The following PRKAG2 variants were observed in gnomAD, a reference collection of about 807,000 sequenced individuals.
The protein encoded by PRKAG2 is 5'-AMP-activated protein kinase subunit gamma-2.
In PRKAG2, 26 loss-of-function variants were observed where a neutral mutation model predicts 69.6. The ratio of observed to expected loss-of-function variants is 0.37; its 90% CI spans 0.27 to 0.52. PRKAG2 has a LOEUF of 0.52. Among genes scored for constraint, PRKAG2 ranks in the 20% least tolerant of loss-of-function variants. The probability of loss-of-function intolerance (pLI) is 0.90; values close to 1 mark genes in which losing one functional copy is unlikely to be tolerated. For synonymous variants in PRKAG2, 293 were observed against 285.0 expected (o/e 1.03, Z -0.28); for missense variants, 557 against 740.0 (o/e 0.75, Z 2.87).
At chr7:151,769,221 GC>G (rs892932207) in intron 3 of PRKAG2, among the ~76,000 whole-genome samples, 1 of 152,218 alleles carries the variant, frequency 6.6e-6, no homozygotes, top group African/African-American at 2.4e-5. Flanking sequence ...AAAGAAAATG[GC>G]CCAGGAACTT....
chr7:151,777,333 C>T lies in PRKAG2; in HGVS notation c.466+3819G>A, dbSNP rs949316619. Reference sequence around the variant, plus strand: ...CCAGAGGGGCTGGGAGTCTTGGATCCACCTCTGATAGAGGTTGAGTGTTTC... The same window carrying T: ...CCAGAGGGGCTGGGAGTCTTGGATCTACCTCTGATAGAGGTTGAGTGTTTC... On this transcript the variant is annotated intron_variant, in intron 3 of 15. Coordinates refer to ENST00000287878, the MANE Select transcript of PRKAG2 (RefSeq NM_016203.4). The surrounding 1 kb of genome is among the most constrained non-coding windows in gnomAD (Gnocchi z 4.3). 6.6e-6 allele frequency among the ~76,000 whole-genome samples: 1 copy of T among 152,202 alleles called. No homozygotes were observed. Among genetic ancestry groups the T allele is most frequent in the Non-Finnish European group, 1.5e-5 (1 of 68,032 alleles).
intron 3 of PRKAG2, among the ~76,000 whole-genome samples, chr7:151,760,549 T>C (rs945718139): frequency 4.6e-5 from 7 of 152,302 alleles, no homozygotes; most frequent in Middle Eastern, 6.8e-3. Context: ...GAGAGAGTTT[T>C]TTAAAAGCTG....
intron 7 of PRKAG2, 148 bp downstream of exon 7, chr7:151,576,223 G>T: frequency 1.2e-6 from 1 of 831,326 alleles, no homozygotes; most frequent in Non-Finnish European, 2.0e-6. Flanking sequence ...TTACGGGCAT[G>T]GGCCACTGCA....
chr7:151,612,660 C>G lies in PRKAG2; in HGVS notation c.755-17206G>C, dbSNP rs1038341898. On this transcript the variant is annotated intron_variant, in intron 5 of 15. Coordinates refer to ENST00000287878, the MANE Select transcript of PRKAG2 (RefSeq NM_016203.4). The stretch of plus-strand genomic sequence containing the variant: ...GTTGTCACCAGTCCAGGGGTCTGAC[C>G]AGCGTACCCACCTCTGCCTGCTCAC... Among the ~76,000 whole-genome samples, 3 of 152,344 alleles carry G rather than the reference C, an allele frequency of 2.0e-5. No homozygotes were observed. The South Asian group carries it at 6.2e-4, about 32-fold the overall frequency.
At chr7:151,612,883 G>A (rs966684046) in intron 5 of PRKAG2, among the ~76,000 whole-genome samples, 1 of 152,210 alleles carries the variant, frequency 6.6e-6, no homozygotes, top group African/African-American at 2.4e-5. Context: ...AGTCCCCTTG[G>A]GTGGGGCAGC....
intron 3 of PRKAG2, among the ~76,000 whole-genome samples, chr7:151,696,351 G>C (rs1294854828): frequency 6.6e-6 from 1 of 152,212 alleles, no homozygotes; most frequent in African/African-American, 2.4e-5. Context: ...GGAGAGTATG[G>C]GGTTCCCCAG....
intron 1 of PRKAG2, among the ~76,000 whole-genome samples, chr7:151,790,287 G>A (rs79980214): frequency 0.032 from 4,881 of 152,192 alleles, 230 homozygotes; most frequent in African/African-American, 0.11. Context: ...AAACTCCTAT[G>A]TGTCCTGCAA....
intron 6 of PRKAG2, among the ~76,000 whole-genome samples, chr7:151,579,805 A>G (rs1809904375): frequency 2.0e-5 from 3 of 152,158 alleles, no homozygotes; most frequent in Non-Finnish European, 2.9e-5. Context: ...AAAATCAGCT[A>G]GAGGGGGAAA....
chr7:151,646,198 A>G (rs1281387252), intron 4 of PRKAG2, among the ~76,000 whole-genome samples: 1 of 152,168 alleles, frequency 6.6e-6, no homozygotes, highest in Non-Finnish European at 1.5e-5. Context: ...TTATGTTTCT[A>G]TATACATTCC....
At position 151,707,966 on chromosome 7, in the gene PRKAG2, G is replaced by T. The variant is rs546777393; in HGVS notation, c.467-32329C>A. Among the ~76,000 whole-genome samples, 6 of 152,348 alleles carry T rather than the reference G, an allele frequency of 3.9e-5. No individual in the cohort carries two copies. The East Asian group carries it at 1.2e-3, about 29-fold the overall frequency. On this transcript the variant is annotated intron_variant, in intron 3 of 15. Coordinates refer to ENST00000287878, the MANE Select transcript of PRKAG2 (RefSeq NM_016203.4). The stretch of plus-strand genomic sequence containing the variant: ...TCTCGGCCCAACCCAGACGGGGCAG[G>T]GGAGGACGCACAGAGAAAACATGCT...
chr7:151,849,161 G>A (rs932529516), intron 1 of PRKAG2, among the ~76,000 whole-genome samples: 9 of 152,248 alleles, frequency 5.9e-5, no homozygotes, highest in African/African-American at 9.6e-5. Flanking sequence ...AAACGAAGAC[G>A]CAGAGGCAGT....
chr7:151,726,821 C>T (rs1199208603), intron 3 of PRKAG2, among the ~76,000 whole-genome samples: 1 of 152,118 alleles, frequency 6.6e-6, no homozygotes, highest in Non-Finnish European at 1.5e-5. Flanking sequence ...TGTGCAAATT[C>T]GTCATCTATG....
chr7:151,594,712 A>G (rs549991442), intron 6 of PRKAG2, among the ~76,000 whole-genome samples: 63 of 152,330 alleles, frequency 4.1e-4, no homozygotes, highest in African/African-American at 1.2e-3. Flanking sequence ...TCTAACACAC[A>G]TTAGACAGGC....
intron 1 of PRKAG2, among the ~76,000 whole-genome samples, chr7:151,840,298 G>A (rs1387507441): frequency 2.6e-5 from 4 of 152,122 alleles, no homozygotes; most frequent in Non-Finnish European, 4.4e-5. Flanking sequence ...AGGTGCCTTC[G>A]AGGTTCCCCA....
chr7:151,634,761 G>A (rs561260617), intron 4 of PRKAG2, among the ~76,000 whole-genome samples: 2 of 152,168 alleles, frequency 1.3e-5, no homozygotes, highest in Admixed American at 1.3e-4. Flanking sequence ...TGCATGAAAA[G>A]ATGTTCAAAG....
chr7:151,668,164 G>A (rs1281566837), intron 4 of PRKAG2, among the ~76,000 whole-genome samples: 1 of 152,206 alleles, frequency 6.6e-6, no homozygotes, highest in Non-Finnish European at 1.5e-5. Context: ...TCCCTTGAGA[G>A]CAGGTTGTTA....
At chr7:151,725,904 CTTTGATTTTT>C (rs1277213931) in intron 3 of PRKAG2, among the ~76,000 whole-genome samples, 9 of 152,138 alleles carry the variant, frequency 5.9e-5, no homozygotes, top group Admixed American at 5.2e-4. Flanking sequence ...CTTTGATTTT[CTTTGATTTTT>C]CTATCCTAGG....
intron 4 of PRKAG2, among the ~76,000 whole-genome samples, chr7:151,643,727 T>C (rs1168534437): frequency 1.3e-5 from 2 of 152,252 alleles, no homozygotes; most frequent in South Asian, 4.1e-4. Flanking sequence ...GCCAAGGAAA[T>C]GGAGAAGCAG....
intron 3 of PRKAG2, among the ~76,000 whole-genome samples, chr7:151,712,612 C>T (rs566319204): frequency 6.6e-6 from 1 of 152,380 alleles, no homozygotes; most frequent in East Asian, 1.9e-4. Context: ...CGGACACCAG[C>T]TCCTGGGCTG....
Sources: allele counts gnomAD v4.1 joint callset (sites outside exome capture counted in the v4.1 genomes callset), GRCh38; gene constraint gnomAD v4.1.1; non-coding constraint Gnocchi (gnomAD v3.1); transcripts MANE v1.5; gene names NCBI Gene and HGNC (gene_info 2026-07-23, HGNC 2026-07-21).